ASPH: variants seen among roughly 807,000 people sequenced by gnomAD.
ASPH encodes aspartyl/asparaginyl beta-hydroxylase.
Under a neutral mutation model 118.4 loss-of-function variants are expected in ASPH, and 100 were observed. That is an observed-to-expected ratio of 0.84 (90% CI 0.72 to 1.00). The LOEUF is 1.00. Ranked by LOEUF, ASPH falls within the 50% of genes least tolerant of loss-of-function variation. ASPH has a pLI of 0.00. For missense variants in ASPH, 920 were observed against 919.5 expected (o/e 1.00, Z -0.01); for synonymous variants, 315 against 325.6 (o/e 0.97, Z 0.35).
At chr8:61,671,061 A>T (rs188640630) in intron 3 of ASPH, among the ~76,000 whole-genome samples, 2 of 152,144 alleles carry the variant, frequency 1.3e-5, no homozygotes, top group South Asian at 4.1e-4. Context: ...TGGGAAATAC[A>T]GTAATGGAGA....
At chr8:61,647,947 C>A (rs1386903423) in intron 5 of ASPH, among the ~76,000 whole-genome samples, 1 of 152,152 alleles carries the variant, frequency 6.6e-6, no homozygotes. Flanking sequence ...TGGCTTCCAG[C>A]AGAGTATCTC....
At chr8:61,562,138 A>G (rs887385560) in intron 18 of ASPH, among the ~76,000 whole-genome samples, 1 of 152,122 alleles carries the variant, frequency 6.6e-6, no homozygotes, top group Admixed American at 6.5e-5. Context: ...TTCTGTACCA[A>G]ATGAATTCCT....
chr8:61,667,262 G>A (rs768999019), intron 3 of ASPH, among the ~76,000 whole-genome samples: 2 of 151,686 alleles, frequency 1.3e-5, no homozygotes, highest in South Asian at 4.1e-4. Flanking sequence ...TACCCACAAA[G>A]AATATGACTA....
chr8:61,620,457 C>T (rs981163329), intron 13 of ASPH, among the ~76,000 whole-genome samples: 8 of 151,586 alleles, frequency 5.3e-5, no homozygotes, highest in Non-Finnish European at 1.0e-4. Context: ...ATACCTCCTG[C>T]GCAGTGCTGC....
At chr8:61,585,602 AT>A (rs1389488791) in intron 14 of ASPH, among the ~76,000 whole-genome samples, 4 of 152,128 alleles carry the variant, frequency 2.6e-5, no homozygotes, top group African/African-American at 9.7e-5. Flanking sequence ...GAATTTAATA[AT>A]GCGTTAAATA....
At chr8:61,615,014 A>G (rs1250609399) in intron 14 of ASPH, among the ~76,000 whole-genome samples, 1 of 152,164 alleles carries the variant, frequency 6.6e-6, no homozygotes, top group Non-Finnish European at 1.5e-5. Flanking sequence ...CTTTGAAAAT[A>G]TAATGCAATC....
At chr8:61,589,619 T>C (rs1048291812) in intron 14 of ASPH, among the ~76,000 whole-genome samples, 3 of 152,164 alleles carry the variant, frequency 2.0e-5, no homozygotes, top group African/African-American at 2.4e-5. Flanking sequence ...CACCCTACTC[T>C]TGAACTACAT....
intron 13 of ASPH, among the ~76,000 whole-genome samples, chr8:61,630,001 C>T (rs1024402776): frequency 6.6e-6 from 1 of 152,090 alleles, no homozygotes; most frequent in Non-Finnish European, 1.5e-5. Flanking sequence ...GGTCTTAGAA[C>T]TATTAAAGGT....
chr8:61,598,949 A>T (rs976647475), intron 14 of ASPH, among the ~76,000 whole-genome samples: 2 of 152,228 alleles, frequency 1.3e-5, no homozygotes, highest in Non-Finnish European at 2.9e-5. Flanking sequence ...ACTTGAAGCA[A>T]TCAAAATAGA....
rs183860636 is a variant in ASPH, at chr8:61,552,189, T to C, written c.1626+842A>G. 7.1e-3 allele frequency among the ~76,000 whole-genome samples: 1,077 copies of C among 152,314 alleles called. 8 individuals carry two copies. The highest frequency in any genetic ancestry group is 0.011 in the Non-Finnish European group (762 of 68,028). On this transcript the variant is annotated intron_variant, in intron 20 of 24. Coordinates refer to ENST00000379454, the MANE Select transcript of ASPH (RefSeq NM_004318.4). ...TGTCTCACTTTACCCTTTTATCCAC[T>C]GACTCTAAGGAGAGCCCAGCTCTCA...
intron 15 of ASPH, among the ~76,000 whole-genome samples, chr8:61,577,399 C>CAAAAAAAAAAAAAAAAAAAAAA (rs775523503): frequency 4.3e-5 from 1 of 23,280 alleles, no homozygotes; most frequent in Non-Finnish European, 7.3e-5. Flanking sequence ...CCCAATCTCG[C>CAAAAAAAAAAAAAAAAAAAAAA]AAAAAAAAAA....
chr8:61,660,173 T>C (rs1461119742), intron 3 of ASPH: 1 of 152,158 alleles, frequency 6.6e-6, no homozygotes, highest in African/African-American at 2.4e-5. Context: ...CTAGAAGTTC[T>C]AGTGTCTCCT....
intron 20 of ASPH, among the ~76,000 whole-genome samples, chr8:61,551,746 G>A (rs898234476): frequency 6.6e-6 from 1 of 152,204 alleles, no homozygotes; most frequent in Non-Finnish European, 1.5e-5. Flanking sequence ...CATTTATCCA[G>A]TGTTAGATGT....
chr8:61,698,787 G>A (rs1276493249), intron 1 of ASPH, among the ~76,000 whole-genome samples: 2 of 152,186 alleles, frequency 1.3e-5, no homozygotes, highest in African/African-American at 4.8e-5. Flanking sequence ...TGTATGTCAG[G>A]AAACAAGAAG....
At chr8:61,692,150 T>C (rs769472171) in intron 1 of ASPH, among the ~76,000 whole-genome samples, 1 of 152,230 alleles carries the variant, frequency 6.6e-6, no homozygotes, top group African/African-American at 2.4e-5. Flanking sequence ...GTTATTTTGA[T>C]AAAAATGTCT....
chr8:61,544,459 C>T (rs1274701611), intron 21 of ASPH, among the ~76,000 whole-genome samples: 2 of 152,182 alleles, frequency 1.3e-5, no homozygotes, highest in Non-Finnish European at 2.9e-5. Context: ...ATCCTTCTTT[C>T]TTAAGCAGTA....
chr8:61,613,247 C>A (rs1848013975), intron 14 of ASPH, among the ~76,000 whole-genome samples: 1 of 152,158 alleles, frequency 6.6e-6, no homozygotes, highest in Non-Finnish European at 1.5e-5. Flanking sequence ...CTGATCCAAT[C>A]AGATGAAGGC....
intron 24 of ASPH, among the ~76,000 whole-genome samples, chr8:61,503,929 T>G (rs187418003): frequency 6.6e-6 from 1 of 152,340 alleles, no homozygotes; most frequent in East Asian, 1.9e-4. Flanking sequence ...TCAAGTTTCA[T>G]TTTATGGAAG....
intron 14 of ASPH, among the ~76,000 whole-genome samples, chr8:61,585,018 C>T (rs529193135): frequency 6.6e-6 from 1 of 152,362 alleles, no homozygotes; most frequent in East Asian, 1.9e-4. Flanking sequence ...TGTGGTCCTT[C>T]CCCACTAGGG....
Sources: allele counts gnomAD v4.1 joint callset (sites outside exome capture counted in the v4.1 genomes callset), GRCh38; gene constraint gnomAD v4.1.1; transcripts MANE v1.5; gene names NCBI Gene and HGNC (gene_info 2026-07-23, HGNC 2026-07-21).